Variants in PRKN observed in about 807,000 individuals in gnomAD.
The protein encoded by PRKN is parkin RBR E3 ubiquitin protein ligase, also known as E3 ubiquitin-protein ligase parkin.
A neutral mutation model predicts 59.5 loss-of-function variants in PRKN; 56 were observed. That is an observed-to-expected ratio of 0.94 (90% CI 0.76 to 1.18). PRKN has a LOEUF of 1.18. Among genes scored for constraint, PRKN ranks in the 50% most tolerant of loss-of-function variants. The probability of loss-of-function intolerance (pLI) is 0.00; values close to 1 mark genes in which losing one functional copy is unlikely to be tolerated. For synonymous variants in PRKN, 250 were observed against 222.1 expected, an observed-to-expected ratio of 1.13 and a Z score of -1.12; for missense variants, 657 against 596.4, an observed-to-expected ratio of 1.10 and a Z score of -1.06.
chr6:162,477,488 A>G (rs779220175), intron 1 of PRKN, among the ~76,000 whole-genome samples: 1 of 152,192 alleles, frequency 6.6e-6, no homozygotes, highest in Non-Finnish European at 1.5e-5. Flanking sequence ...TACTGGCTTT[A>G]TAAGAGTCGA....
Position 161,509,419 on chromosome 6 carries a change from A to T in PRKN, c.1083+39435T>A, listed in dbSNP as rs140585553. 2.9e-3 allele frequency among the ~76,000 whole-genome samples: 441 copies of T among 152,268 alleles called. 10 individuals carry two copies. Among genetic ancestry groups the T allele is most frequent in the East Asian group, 0.025 (131 of 5,156 alleles). On this transcript the variant is annotated intron_variant, in intron 9 of 11. Coordinates refer to ENST00000366898, the MANE Select transcript of PRKN (RefSeq NM_004562.3). Reference sequence around the variant, plus strand: ...GAGAGGTAAGAAACTCAAGGCTTTTAGAGCCAGGGAGGAGCCTGGAGAATA... The same window carrying T: ...GAGAGGTAAGAAACTCAAGGCTTTTTGAGCCAGGGAGGAGCCTGGAGAATA...
chr6:162,329,747 T>C (rs1198883420), intron 2 of PRKN, among the ~76,000 whole-genome samples: 2 of 152,106 alleles, frequency 1.3e-5, no homozygotes, highest in Non-Finnish European at 2.9e-5. Context: ...AACTCAATAA[T>C]TTTGTACATT....
At chr6:161,807,389 A>G (rs1362553459) in intron 6 of PRKN, among the ~76,000 whole-genome samples, 1 of 152,216 alleles carries the variant, frequency 6.6e-6, no homozygotes, top group East Asian at 1.9e-4. Context: ...AGCTACATGG[A>G]CACACACAGG....
intron 5 of PRKN, among the ~76,000 whole-genome samples, chr6:162,010,406 A>G (rs1782465324): frequency 1.4e-5 from 1 of 69,926 alleles, no homozygotes; most frequent in Admixed American, 2.8e-4. Context: ...ATATACATTT[A>G]TTATATGTAA....
chr6:162,386,781 T>C (rs897017395), intron 2 of PRKN, among the ~76,000 whole-genome samples: 9 of 152,252 alleles, frequency 5.9e-5, no homozygotes, highest in African/African-American at 1.9e-4. Flanking sequence ...GTAGGTTGTA[T>C]TGAGATTCCA....
At chr6:162,108,974 G>C (rs1272330398) in intron 4 of PRKN, among the ~76,000 whole-genome samples, 1 of 152,212 alleles carries the variant, frequency 6.6e-6, no homozygotes, top group Non-Finnish European at 1.5e-5. Flanking sequence ...AGCAGCAGCA[G>C]CGCTGCCCCG....
intron 9 of PRKN, among the ~76,000 whole-genome samples, chr6:161,524,863 C>T (rs952802787): frequency 1.3e-5 from 2 of 152,096 alleles, no homozygotes; most frequent in African/African-American, 4.8e-5. Flanking sequence ...CTTTCCTTCC[C>T]AATGAGTAGG....
At chr6:161,823,588 C>T (rs879657766) in intron 6 of PRKN, among the ~76,000 whole-genome samples, 4 of 151,944 alleles carry the variant, frequency 2.6e-5, no homozygotes, top group South Asian at 2.1e-4. Flanking sequence ...TTTCATTGGC[C>T]GAAAGGATGG....
At chr6:162,189,934 C>T (rs1784201495) in intron 4 of PRKN, among the ~76,000 whole-genome samples, 1 of 152,006 alleles carries the variant, frequency 6.6e-6, no homozygotes, top group African/African-American at 2.4e-5. Context: ...TGAGTGTACG[C>T]TTATTAGCAT....
rs1431822257 is a variant in PRKN, at chr6:161,349,726, C to T, written c.*373G>A. Reference sequence around the variant, plus strand: ...CTCCAGCTACTGATTCTGCCTGTCTCGAATTCAGGTGAGAATGACCCATAC... The same window carrying T: ...CTCCAGCTACTGATTCTGCCTGTCTTGAATTCAGGTGAGAATGACCCATAC... On this transcript the variant is annotated 3_prime_UTR_variant, in exon 12 of 12. Transcript: ENST00000366898. This position sits in a 1 kb window ranked among gnomAD's most constrained non-coding sequence, Gnocchi z 5.5. 4 of 374,086 alleles carry T rather than the reference C, an allele frequency of 1.1e-5. No individual in the cohort carries two copies. The highest frequency in any genetic ancestry group is 1.5e-5 in the Non-Finnish European group (3 of 201,746). The allele number at this position is 374,086 out of a possible 1,614,324, so 23.2% of individuals were successfully genotyped here.
intron 1 of PRKN, among the ~76,000 whole-genome samples, chr6:162,699,277 A>C (rs1208992332): frequency 6.6e-6 from 1 of 152,236 alleles, no homozygotes; most frequent in Non-Finnish European, 1.5e-5. Context: ...AAAGAAAAAA[A>C]GACTAACAAG....
chr6:162,021,163 T>A lies in PRKN; in HGVS notation c.618+32928A>T, dbSNP rs9364631. On this transcript the variant is annotated intron_variant, in intron 5 of 11. Transcript: ENST00000366898. ...ATATATATATATATATATATATATA[T>A]ATAAAATATATGTGTATATATATTA... Among the ~76,000 whole-genome samples, 46 of 27,670 alleles carry A rather than the reference T, an allele frequency of 1.7e-3. 3 individuals carry two copies. Among genetic ancestry groups the A allele is most frequent in the South Asian group, 1.0e-2 (7 of 702 alleles). The allele number at this position is 27,670 out of a possible 152,430, so 18.2% of individuals were successfully genotyped here.
At chr6:162,107,831 C>T (rs1780257975) in intron 4 of PRKN, among the ~76,000 whole-genome samples, 1 of 152,156 alleles carries the variant, frequency 6.6e-6, no homozygotes, top group African/African-American at 2.4e-5. Context: ...TAAACTTTTC[C>T]TATTTCTTAC....
rs1785014269 is a variant in PRKN at position 161,362,471 on chromosome 6, T to C, written c.1168-2266A>G. ...CCAGTTTTACTACACACAGAGGACC[T>C]GGACTCCTGAGGGTGACGTTCTCAG... On this transcript the variant is annotated intron_variant, in intron 10 of 11. Transcript: ENST00000366898. The surrounding 1 kb of genome is among the most constrained non-coding windows in gnomAD (Gnocchi z 5.2). Among the ~76,000 whole-genome samples the C allele has an allele frequency of 6.6e-6, 1 of 152,042 alleles. No homozygotes were observed. The highest frequency in any genetic ancestry group is 2.4e-5 in the African/African-American group (1 of 41,396).
At chr6:161,819,633 T>G (rs1009284895) in intron 6 of PRKN, among the ~76,000 whole-genome samples, 1 of 152,214 alleles carries the variant, frequency 6.6e-6, no homozygotes, top group African/African-American at 2.4e-5. Context: ...TAAAAATACA[T>G]GCAGAGCTTC....
At chr6:162,606,683 G>T (rs1409349244) in intron 1 of PRKN, among the ~76,000 whole-genome samples, 1 of 152,076 alleles carries the variant, frequency 6.6e-6, no homozygotes, top group Non-Finnish European at 1.5e-5. Context: ...GAGAGAAGTT[G>T]CAAGGCAGAT....
intron 1 of PRKN, among the ~76,000 whole-genome samples, chr6:162,455,869 C>A (rs1790847820): frequency 6.6e-6 from 1 of 151,880 alleles, no homozygotes; most frequent in African/African-American, 2.4e-5. Context: ...TCAGATTGAA[C>A]AAAATACCTC....
intron 6 of PRKN, among the ~76,000 whole-genome samples, chr6:161,900,605 A>G (rs1777859551): frequency 1.0e-5 from 1 of 95,456 alleles, no homozygotes; most frequent in South Asian, 3.6e-4. Context: ...ATTATATATT[A>G]ATATACTGTA....
intron 9 of PRKN, among the ~76,000 whole-genome samples, chr6:161,431,706 G>A (rs190012862): frequency 0.013 from 2,042 of 151,724 alleles, 53 homozygotes; most frequent in African/African-American, 0.046. Context: ...TCCGCCTCCC[G>A]GGTTCAAGAG....
Sources: gnomAD v4.1 joint callset for allele counts (sites outside exome capture counted in the v4.1 genomes callset) on GRCh38, gnomAD v4.1.1 for gene constraint, Gnocchi (gnomAD v3.1) non-coding constraint, MANE v1.5 for transcripts, NCBI Gene and HGNC (gene_info 2026-07-23, HGNC 2026-07-21) for gene names.